Variants in KCNIP1 observed in about 807,000 individuals in gnomAD.
KCNIP1 encodes A-type potassium channel modulatory protein KCNIP1.
Under a neutral mutation model 33.0 loss-of-function variants are expected in KCNIP1, and 18 were observed. That is an observed-to-expected ratio of 0.55 (90% CI 0.38 to 0.81). The LOEUF (loss-of-function observed/expected upper bound fraction) is 0.81, where lower values mean the gene tolerates loss of function less well. Among genes scored for constraint, KCNIP1 ranks in the 30% least tolerant of loss-of-function variants. KCNIP1 has a pLI of 0.00. For missense variants in KCNIP1, 238 were observed against 271.6 expected (o/e 0.88, Z 0.87); for synonymous variants, 93 against 98.3 (o/e 0.95, Z 0.32).
intron 1 of KCNIP1, among the ~76,000 whole-genome samples, chr5:170,606,470 A>C (rs577361338): frequency 6.6e-6 from 1 of 152,092 alleles, no homozygotes; most frequent in Non-Finnish European, 1.5e-5. Context: ...CCAGGCAGAG[A>C]TCTCTCAACC....
intron 1 of KCNIP1, among the ~76,000 whole-genome samples, chr5:170,704,935 G>A (rs1554113125): frequency 6.6e-6 from 1 of 152,102 alleles, no homozygotes; most frequent in Non-Finnish European, 1.5e-5. Context: ...TTTTATGATG[G>A]TTTCATTTTA....
At chr5:170,404,367 T>G (rs314143) in intron 1 of KCNIP1, among the ~76,000 whole-genome samples, 73,405 of 151,816 alleles carry the variant, frequency 0.48, 19,574 homozygotes, top group African/African-American at 0.72. Flanking sequence ...TCATAGGCTG[T>G]TGTATTGGTT....
chr5:170,612,481 C>T (rs1320623641), intron 1 of KCNIP1, among the ~76,000 whole-genome samples: 1 of 152,340 alleles, frequency 6.6e-6, no homozygotes, highest in South Asian at 2.1e-4. Context: ...GAGCCTATGG[C>T]TGAAACCTCA....
chr5:170,472,159 A>G (rs1756743601), intron 1 of KCNIP1, among the ~76,000 whole-genome samples: 1 of 152,142 alleles, frequency 6.6e-6, no homozygotes, highest in African/African-American at 2.4e-5. Flanking sequence ...CTATGCTCAG[A>G]CCCTGCTGAA....
chr5:170,693,257 C>CAA (rs1762782794), intron 1 of KCNIP1, among the ~76,000 whole-genome samples: 1 of 1,854 alleles, frequency 5.4e-4, no homozygotes, highest in South Asian at 0.031. Context: ...CCCATCCCCC[C>CAA]GACACACACA....
chr5:170,420,817 C>G (rs910076944), intron 1 of KCNIP1, among the ~76,000 whole-genome samples: 15 of 152,266 alleles, frequency 9.9e-5, no homozygotes, highest in Admixed American at 9.1e-4. Context: ...TCTTCTCCCC[C>G]CCAACCCCAC....
In KCNIP1 at chr5:170,504,543, G is replaced by A; in HGVS notation, c.-30G>A. The A allele has an allele frequency of 6.2e-7, 1 of 1,612,286 alleles. No homozygotes were observed. The highest frequency in any genetic ancestry group is 2.2e-5 in the East Asian group (1 of 44,860). On this transcript the variant is annotated 5_prime_UTR_variant, in exon 1 of 8. Coordinates refer to ENST00000328939, the MANE Select transcript of KCNIP1 (RefSeq NM_014592.4). This position sits in a 1 kb window ranked among gnomAD's most constrained non-coding sequence, Gnocchi z 6.0. ...GGGTAGGGGAGGGGCCGGGCCCGGGGTCCCAACTCGCACTCAAGTCTTCGC... is the reference window on the plus strand; with the variant it reads ...GGGTAGGGGAGGGGCCGGGCCCGGGATCCCAACTCGCACTCAAGTCTTCGC...
chr5:170,713,304 CT>C (rs1350930921), intron 1 of KCNIP1, among the ~76,000 whole-genome samples: 2 of 152,084 alleles, frequency 1.3e-5, no homozygotes, highest in Non-Finnish European at 2.9e-5. Context: ...GCTTCAAGTC[CT>C]TTGTGCAACA....
intron 1 of KCNIP1, among the ~76,000 whole-genome samples, chr5:170,405,222 T>C (rs112744318): frequency 0.025 from 3,797 of 151,566 alleles, 75 homozygotes; most frequent in African/African-American, 0.061. Context: ...TGAGATGAAG[T>C]CTTGCTCTGT....
chr5:170,724,179 T>C (rs1187763564), intron 5 of KCNIP1, among the ~76,000 whole-genome samples: 1 of 152,166 alleles, frequency 6.6e-6, no homozygotes, highest in Non-Finnish European at 1.5e-5. Context: ...CAAATAAAAT[T>C]ATAGGCCCAG....
intron 1 of KCNIP1, among the ~76,000 whole-genome samples, chr5:170,493,129 C>T (rs569976731): frequency 1.3e-5 from 2 of 152,316 alleles, no homozygotes; most frequent in East Asian, 1.9e-4. Context: ...CCACCAGTCC[C>T]GCCCACTTGG....
chr5:170,676,284 A>G (rs926535314), intron 1 of KCNIP1, among the ~76,000 whole-genome samples: 4 of 152,182 alleles, frequency 2.6e-5, no homozygotes, highest in African/African-American at 9.6e-5. Flanking sequence ...TGTTATCATT[A>G]TATAACTAAT....
chr5:170,674,318 T>C (rs1219294411), intron 1 of KCNIP1, among the ~76,000 whole-genome samples: 1 of 152,170 alleles, frequency 6.6e-6, no homozygotes, highest in African/African-American at 2.4e-5. Flanking sequence ...ACAAAGAAGG[T>C]AAAAATTGAA....
At chr5:170,594,607 T>G (rs867197231) in intron 1 of KCNIP1, among the ~76,000 whole-genome samples, 7 of 152,068 alleles carry the variant, frequency 4.6e-5, no homozygotes, top group Non-Finnish European at 7.4e-5. Context: ...GCCTCCCAGG[T>G]TCAAGCAATT....
At chr5:170,609,673 A>G (rs916051382) in intron 1 of KCNIP1, among the ~76,000 whole-genome samples, 1 of 152,064 alleles carries the variant, frequency 6.6e-6, no homozygotes, top group South Asian at 2.1e-4. Context: ...AGACCTCACT[A>G]AAAATAAAAC....
At chr5:170,593,949 C>T (rs755550487) in intron 1 of KCNIP1, among the ~76,000 whole-genome samples, 2 of 152,214 alleles carry the variant, frequency 1.3e-5, no homozygotes, top group African/African-American at 2.4e-5. Flanking sequence ...AGTCAGTGAA[C>T]ATTTATGGAC....
intron 1 of KCNIP1, among the ~76,000 whole-genome samples, chr5:170,560,655 C>G (rs1757005696): frequency 6.6e-6 from 1 of 152,066 alleles, no homozygotes; most frequent in African/African-American, 2.4e-5. Flanking sequence ...TAGAAAGAAA[C>G]ATTTGAGTTT....
At chr5:170,529,186 C>G (rs1291267712) in intron 1 of KCNIP1, among the ~76,000 whole-genome samples, 3 of 152,188 alleles carry the variant, frequency 2.0e-5, no homozygotes, top group Non-Finnish European at 2.9e-5. Flanking sequence ...CTGTTGATTT[C>G]TCTGTCTCAG....
At chr5:170,538,377 G>A (rs1214500821) in intron 1 of KCNIP1, among the ~76,000 whole-genome samples, 3 of 152,156 alleles carry the variant, frequency 2.0e-5, no homozygotes, top group African/African-American at 7.2e-5. Context: ...TATTACGACT[G>A]TTATTCCCAA....
Sources: gnomAD v4.1 joint callset for allele counts (sites outside exome capture counted in the v4.1 genomes callset) on GRCh38, gnomAD v4.1.1 for gene constraint, Gnocchi (gnomAD v3.1) non-coding constraint, MANE v1.5 for transcripts, NCBI Gene and HGNC (gene_info 2026-07-23, HGNC 2026-07-21) for gene names.